Variants in FAT4 observed in about 807,000 individuals in gnomAD.
FAT4 encodes the protein FAT atypical cadherin 4, also known as protocadherin Fat 4.
A neutral mutation model predicts 303.9 loss-of-function variants in FAT4; 84 were observed. The observed-to-expected ratio is 0.28, with a 90% CI of 0.23 to 0.33. The LOEUF (loss-of-function observed/expected upper bound fraction) is 0.33. Among genes scored for constraint, FAT4 ranks in the 10% least tolerant of loss-of-function variants. FAT4 has a pLI of 1.00. For missense variants in FAT4, 6,005 were observed against 6,146.8 expected, an observed-to-expected ratio of 0.98 and a Z score of 0.77; for synonymous variants, 2,307 against 2,298.8, an observed-to-expected ratio of 1.00 and a Z score of -0.10.
intron 8 of FAT4, among the ~76,000 whole-genome samples, chr4:125,441,846 G>A (rs894708946): frequency 2.6e-5 from 4 of 152,156 alleles, no homozygotes; most frequent in Non-Finnish European, 5.9e-5. Flanking sequence ...CATGGGACAA[G>A]GATCTGTGCT....
chr4:125,395,165 C>T (rs1029321397), intron 2 of FAT4, among the ~76,000 whole-genome samples: 1 of 152,172 alleles, frequency 6.6e-6, no homozygotes, highest in South Asian at 2.1e-4. Context: ...ATAATTAAAA[C>T]CGCAGGCTAC....
intron 2 of FAT4, among the ~76,000 whole-genome samples, chr4:125,347,647 C>T (rs1732055941): frequency 6.6e-6 from 1 of 151,486 alleles, no homozygotes; most frequent in Non-Finnish European, 1.5e-5. Flanking sequence ...TGTAAGTGTG[C>T]TCACTGTGTT....
chr4:125,449,609 A>G lies in FAT4; in HGVS notation c.8599A>G (p.Ile2867Val). 1 of 1,613,928 alleles carries G rather than the reference A, an allele frequency of 6.2e-7. No individual in the cohort carries two copies. Among genetic ancestry groups the G allele is most frequent in the Non-Finnish European group, 8.5e-7 (1 of 1,179,902 alleles). ...AGATGTCACAATATTTGTGACAGAC[A>G]TCAATGACAATGCTCCAAGATTTAG... is the stretch of plus-strand genomic sequence containing the variant. ...STDVTIFVTD[I>V]NDNAPRFSRT... Residue 2867 changes from isoleucine (I) to valine (V), a missense_variant, in exon 10 of 18, where the codon ATC (isoleucine) becomes GTC (valine). Coordinates refer to ENST00000394329, the MANE Select transcript of FAT4 (RefSeq NM_001291303.3).
At chr4:125,373,114 T>C (rs1733186797) in intron 2 of FAT4, among the ~76,000 whole-genome samples, 1 of 152,200 alleles carries the variant, frequency 6.6e-6, no homozygotes, top group African/African-American at 2.4e-5. Flanking sequence ...TTAATGTGAA[T>C]CATTGAACTC....
At chr4:125,398,971 A>C (rs2126012882) in intron 3 of FAT4, 56 bp downstream of exon 3, 1 of 1,568,828 alleles carries the variant, frequency 6.4e-7, no homozygotes, top group Non-Finnish European at 8.8e-7. Context: ...GATTTATCAA[A>C]TTTCTAGGAT....
At chr4:125,459,830 G>A (rs1168856668) in intron 10 of FAT4, among the ~76,000 whole-genome samples, 1 of 152,084 alleles carries the variant, frequency 6.6e-6, no homozygotes, top group African/African-American at 2.4e-5. Flanking sequence ...CCAAGAGCAT[G>A]TTAGAGTAAT....
chr4:125,315,451 C>A lies in FAT4; in HGVS notation c.-539C>A, dbSNP rs1053098975. Among the ~76,000 whole-genome samples the A allele has an allele frequency of 1.3e-5, 2 of 152,324 alleles. No individual in the cohort carries two copies. Among genetic ancestry groups the A allele is most frequent in the South Asian group, 4.1e-4 (2 of 4,828 alleles). ...TGACTGGGGCCGCCGGAGAACGACC[C>A]CCCCTGGCATGGTGAGGGGAGGGCG... On this transcript the variant is annotated 5_prime_UTR_variant, in exon 1 of 18. Transcript: ENST00000394329.
rs185325824 is a variant in FAT4 at position 125,319,647 on chromosome 4, C to T, written c.3236C>T (p.Pro1079Leu). The T allele has an allele frequency of 2.5e-6, 4 of 1,613,788 alleles. No individual in the cohort carries two copies. The African/African-American group carries it at 5.3e-5, about 22-fold the overall frequency. ...MVVASDRAVEPLSATVNVTVI... is the reference protein window; with the variant it reads ...MVVASDRAVELLSATVNVTVI... ...GTTGCTTCTGACAGAGCAGTGGAAC[C>T]CCTTAGTGCTACTGTGAATGTTACT... Residue 1079 changes from proline (P) to leucine (L), a missense_variant, in exon 2 of 18, where the codon CCC (proline) becomes CTC (leucine). By Grantham distance (98) the Pro-to-Leu change is moderately conservative. Transcript: ENST00000394329.
rs11098811 is a variant in FAT4, at chr4:125,416,002, T to C, written c.6843+196T>C. On this transcript the variant is annotated intron_variant, in intron 6 of 17. Transcript: ENST00000394329. ...CCTAAGAACCTCTTAATTTCCTCAT[T>C]GATGAAACTTTTGTATTTTACTAGC... Among the ~76,000 whole-genome samples, 151,106 of 152,294 alleles carry C rather than the reference T, an allele frequency of 0.99. 74,968 individuals carry two copies. The highest frequency in any genetic ancestry group is 1 in the Middle Eastern group (294 of 294).
intron 2 of FAT4, among the ~76,000 whole-genome samples, chr4:125,393,639 C>A (rs1465600864): frequency 6.6e-5 from 10 of 152,134 alleles, no homozygotes; most frequent in Non-Finnish European, 4.4e-5. Context: ...ACTATTCCCA[C>A]AGAAATATTT....
chr4:125,399,631 A>G (rs1420951975), intron 3 of FAT4, among the ~76,000 whole-genome samples: 1 of 151,992 alleles, frequency 6.6e-6, no homozygotes, highest in African/African-American at 2.4e-5. Flanking sequence ...CATATGAATC[A>G]GTGCTTTATA....
chr4:125,488,485 C>G (rs1346002885), intron 17 of FAT4, among the ~76,000 whole-genome samples: 1 of 152,156 alleles, frequency 6.6e-6, no homozygotes, highest in Non-Finnish European at 1.5e-5. Flanking sequence ...TGAGCTCCTA[C>G]TAGTGTGGTG....
intron 6 of FAT4, 87 bp downstream of exon 6, chr4:125,415,893 C>G: frequency 1.0e-6 from 1 of 988,866 alleles, no homozygotes; most frequent in Non-Finnish European, 1.5e-6. Flanking sequence ...TTTACGCTTC[C>G]CCTGTTCTCT....
intron 10 of FAT4, among the ~76,000 whole-genome samples, chr4:125,462,411 G>A (rs913691937): frequency 2.0e-4 from 31 of 151,878 alleles, no homozygotes; most frequent in African/African-American, 7.5e-4. Flanking sequence ...AACAAATGAT[G>A]TAGTATTTAC....
chr4:125,474,267 T>C (rs1261520730), intron 12 of FAT4, among the ~76,000 whole-genome samples: 1 of 152,072 alleles, frequency 6.6e-6, no homozygotes, highest in South Asian at 2.1e-4. Context: ...TGTGGTACTT[T>C]CTAGTTTATG....
intron 2 of FAT4, among the ~76,000 whole-genome samples, chr4:125,387,688 A>G (rs763778976): frequency 1.3e-5 from 2 of 152,142 alleles, no homozygotes; most frequent in Non-Finnish European, 2.9e-5. Flanking sequence ...GTGTAGCTAT[A>G]TAGGGTAGGA....
chr4:125,407,104 C>T lies in FAT4; in HGVS notation c.5532C>T (p.Pro1844=), dbSNP rs374897074. Residue 1844 remains proline, a synonymous_variant, in exon 4 of 18, where the codon CCC becomes CCT. Transcript: ENST00000394329. ...VNDHTPKFSR[P]VYSFDIPEDT... ...ACCATACACCCAAATTTTCCAGACC[C>T]GTGTACTCTTTTGACATTCCTGAGG... The T allele has an allele frequency of 1.7e-5, 27 of 1,613,502 alleles. No homozygotes were observed. The highest frequency in any genetic ancestry group is 1.6e-4 in the Middle Eastern group (1 of 6,074).
rs374846660 is a variant in FAT4 at position 125,394,314 on chromosome 4, T to G, written c.5176-4470T>G. Among the ~76,000 whole-genome samples the G allele has an allele frequency of 3.4e-4, 52 of 152,342 alleles. 1 individual carries two copies. The highest frequency in any genetic ancestry group is 1.2e-3 in the African/African-American group (50 of 41,598). ...AAACTTCTGAGTTTGAAATGTGATT[T>G]GTGTTTTTGCAAAATGTTTATTTGA... On this transcript the variant is annotated intron_variant, in intron 2 of 17. Coordinates refer to ENST00000394329, the MANE Select transcript of FAT4 (RefSeq NM_001291303.3).
chr4:125,439,334 T>C (rs1214691587), intron 8 of FAT4, among the ~76,000 whole-genome samples: 1 of 150,212 alleles, frequency 6.7e-6, no homozygotes, highest in Non-Finnish European at 1.5e-5. Context: ...AGATTTCTTT[T>C]CTTTTTTTTT....
Sources: allele counts gnomAD v4.1 joint callset (sites outside exome capture counted in the v4.1 genomes callset), GRCh38; gene constraint gnomAD v4.1.1; transcripts MANE v1.5; gene names NCBI Gene and HGNC (gene_info 2026-07-23, HGNC 2026-07-21).